The following CDIN1 variants were observed in gnomAD, a reference collection of about 807,000 sequenced individuals.
The protein encoded by CDIN1 is CDAN1 interacting nuclease 1, also known as CDAN1-interacting nuclease 1.
In CDIN1, 33 loss-of-function variants were observed where a neutral mutation model predicts 45.3. That is an observed-to-expected ratio of 0.73 (90% CI 0.55 to 0.97). The LOEUF (loss-of-function observed/expected upper bound fraction) is 0.97. CDIN1 is among the 50% of genes least tolerant of loss of function. CDIN1 has a pLI of 0.00. For synonymous variants in CDIN1, 118 were observed against 124.4 expected, an observed-to-expected ratio of 0.95 and a Z score of 0.34; for missense variants, 303 against 339.4, an observed-to-expected ratio of 0.89 and a Z score of 0.84.
At chr15:36,800,228 A>C (rs1395951765) in intron 10 of CDIN1, among the ~76,000 whole-genome samples, 2 of 152,208 alleles carry the variant, frequency 1.3e-5, no homozygotes, top group Admixed American at 1.3e-4. Flanking sequence ...CATAGCCAAC[A>C]TGCATAGATT....
intron 1 of CDIN1, chr15:36,617,905 C>T (rs2038972765): frequency 2.6e-6 from 2 of 766,020 alleles, no homozygotes; most frequent in Admixed American, 1.7e-5. Context: ...GGATAAAAGC[C>T]ATCAATACAT....
chr15:36,622,467 C>T (rs1009971078), intron 1 of CDIN1, among the ~76,000 whole-genome samples: 2 of 152,142 alleles, frequency 1.3e-5, no homozygotes, highest in Non-Finnish European at 1.5e-5. Context: ...GAGCAGGGCC[C>T]AGCAGTCAGG....
intron 5 of CDIN1, among the ~76,000 whole-genome samples, chr15:36,679,852 C>T (rs778894045): frequency 1.3e-5 from 2 of 152,062 alleles, no homozygotes; most frequent in Non-Finnish European, 2.9e-5. Flanking sequence ...GCAAGTGAGC[C>T]GCCACCAAAG....
intron 10 of CDIN1, among the ~76,000 whole-genome samples, chr15:36,802,363 A>G (rs992904594): frequency 6.6e-6 from 1 of 152,192 alleles, no homozygotes; most frequent in Non-Finnish European, 1.5e-5. Flanking sequence ...TTATAGACAT[A>G]ATGATTGGTC....
chr15:36,684,917 G>A (rs887510472), intron 5 of CDIN1, among the ~76,000 whole-genome samples: 4 of 150,024 alleles, frequency 2.7e-5, no homozygotes, highest in Non-Finnish European at 4.5e-5. Context: ...TGTGGGATCG[G>A]TGGTGATATC....
At chr15:36,650,430 ATTTATTTATTTATTTATTT>A (rs1403487353) in intron 3 of CDIN1, among the ~76,000 whole-genome samples, 1 of 145,522 alleles carries the variant, frequency 6.9e-6, no homozygotes, top group African/African-American at 2.5e-5. Flanking sequence ...TTATTTATTT[ATTTATTTATTTATTTATTT>A]ATTTATTATT....
chr15:36,647,854 T>G (rs193249808), intron 3 of CDIN1, among the ~76,000 whole-genome samples: 145 of 151,456 alleles, frequency 9.6e-4, no homozygotes, highest in African/African-American at 3.2e-3. Context: ...TTTTTTTTTT[T>G]TTTGAGACGG....
chr15:36,800,799 C>T (rs568310669), intron 10 of CDIN1, among the ~76,000 whole-genome samples: 4 of 150,102 alleles, frequency 2.7e-5, no homozygotes, highest in African/African-American at 9.7e-5. Flanking sequence ...ATAGCACAGA[C>T]CCCACACAGC....
chr15:36,728,131 G>A (rs907190081), intron 10 of CDIN1, among the ~76,000 whole-genome samples: 3 of 152,172 alleles, frequency 2.0e-5, no homozygotes, highest in Admixed American at 1.3e-4. Context: ...ATATGGCTTT[G>A]TATGTGGAGG....
intron 10 of CDIN1, among the ~76,000 whole-genome samples, chr15:36,726,863 T>C (rs1478282115): frequency 6.6e-6 from 1 of 152,104 alleles, no homozygotes; most frequent in East Asian, 1.9e-4. Flanking sequence ...TTTAACAGGG[T>C]TTATCAGCGA....
At chr15:36,796,256 T>C (rs1454863782) in intron 10 of CDIN1, among the ~76,000 whole-genome samples, 7 of 152,216 alleles carry the variant, frequency 4.6e-5, no homozygotes, top group Non-Finnish European at 7.3e-5. Context: ...TCAGTTGTTA[T>C]GAAGTTTATT....
In CDIN1 at chr15:36,618,328, C is replaced by G; in HGVS notation, c.102-25950C>G. The stretch of plus-strand genomic sequence containing the variant: ...AAATTTTTCAACTGAAAGCATAATC[C>G]TACAGTAACTGGGGATTAGGAGCAA... On this transcript the variant is annotated intron_variant, in intron 1 of 10. Coordinates refer to ENST00000566621, the MANE Select transcript of CDIN1 (RefSeq NM_001321759.2). 3 of 675,802 alleles carry G rather than the reference C, an allele frequency of 4.4e-6. No homozygotes were observed. In the South Asian group the frequency reaches 5.3e-5, roughly 12 times the overall value. 41.9% of individuals were successfully genotyped at this position (675,802 alleles called of 1,614,324 possible).
chr15:36,792,050 T>C (rs2054658869), intron 10 of CDIN1, among the ~76,000 whole-genome samples: 1 of 152,186 alleles, frequency 6.6e-6, no homozygotes, highest in South Asian at 2.1e-4. Flanking sequence ...TAGCTTGTCT[T>C]ATGTCACCCA....
intron 1 of CDIN1, among the ~76,000 whole-genome samples, chr15:36,590,744 A>G (rs1389769120): frequency 6.6e-6 from 1 of 152,226 alleles, no homozygotes; most frequent in Non-Finnish European, 1.5e-5. Flanking sequence ...ATTCTGTTAC[A>G]TGAAATAGGA....
At chr15:36,629,602 T>C (rs1490255931) in intron 1 of CDIN1, among the ~76,000 whole-genome samples, 1 of 152,188 alleles carries the variant, frequency 6.6e-6, no homozygotes, top group Non-Finnish European at 1.5e-5. Context: ...ATTGATACCA[T>C]TACTCTCTAA....
At chr15:36,607,070 C>T (rs138299108) in intron 1 of CDIN1, among the ~76,000 whole-genome samples, 1,533 of 152,184 alleles carry the variant, frequency 0.01, 14 homozygotes, top group Non-Finnish European at 0.016. Flanking sequence ...TTGGTCCCTA[C>T]GTTTGTGAGG....
intron 10 of CDIN1, among the ~76,000 whole-genome samples, chr15:36,754,862 A>G (rs2053568274): frequency 6.6e-6 from 1 of 152,130 alleles, no homozygotes; most frequent in African/African-American, 2.4e-5. Context: ...GTAAAGTTAC[A>G]CGCCTTGAAA....
intron 5 of CDIN1, among the ~76,000 whole-genome samples, chr15:36,659,047 A>G (rs147731083): frequency 1.5e-3 from 224 of 152,308 alleles, no homozygotes; most frequent in African/African-American, 4.9e-3. Context: ...GTTATTTTCA[A>G]CTTCGCAGCA....
intron 10 of CDIN1, among the ~76,000 whole-genome samples, chr15:36,806,886 A>G (rs2055246535): frequency 6.6e-6 from 1 of 152,168 alleles, no homozygotes; most frequent in Non-Finnish European, 1.5e-5. Context: ...ACCTGTGCAC[A>G]GGTAGCCTAA....
Sources: gnomAD v4.1 joint callset for allele counts (sites outside exome capture counted in the v4.1 genomes callset) on GRCh38, gnomAD v4.1.1 for gene constraint, MANE v1.5 for transcripts, NCBI Gene and HGNC (gene_info 2026-07-23, HGNC 2026-07-21) for gene names.